Variants in TSPAN4 observed in about 807,000 individuals in gnomAD.
TSPAN4 encodes the protein tetraspanin 4.
TSPAN4 carries 38 observed loss-of-function variants against 31.5 expected under a neutral mutation model. That is an observed-to-expected ratio of 1.21 (90% CI 0.93 to 1.58). The LOEUF (loss-of-function observed/expected upper bound fraction) is 1.58, where lower values mean the gene tolerates loss of function less well. Among genes scored for constraint, TSPAN4 ranks in the 40% most tolerant of loss-of-function variants. The pLI, the probability that TSPAN4 is intolerant of heterozygous loss-of-function variation, is 0.00. For synonymous variants in TSPAN4, 186 were observed against 144.6 expected (o/e 1.29, Z -2.06); for missense variants, 330 against 317.3 (o/e 1.04, Z -0.30).
chr11:866,197 C>T (rs1848809893), intron 8 of TSPAN4, among the ~76,000 whole-genome samples, 196 bp downstream of exon 8: 1 of 152,134 alleles, frequency 6.6e-6, no homozygotes, highest in Non-Finnish European at 1.5e-5. Flanking sequence ...TGGACAGAGG[C>T]AGAGGCTGGT....
At chr11:862,953 G>A (rs1589792878) in intron 4 of TSPAN4, 1 of 582,184 alleles carries the variant, frequency 1.7e-6, no homozygotes, top group Non-Finnish European at 3.0e-6. Context: ...GAGCGGTGTG[G>A]GGGTCACTCA....
chr11:866,309 T>G (rs1409704251), intron 8 of TSPAN4, among the ~76,000 whole-genome samples: 1 of 151,368 alleles, frequency 6.6e-6, no homozygotes, highest in Non-Finnish European at 1.5e-5. Context: ...GCCCCTGGTT[T>G]CCAAACTCCA....
Position 864,445 on chromosome 11 carries a change from G to T in TSPAN4, c.264G>T (p.Leu88=). ...GCCTGCCCCCTCCACAGTTCTTCCTGCTGCTGCTGCTGGTGTTCCTGCTGG... is the reference window on the plus strand; with the variant it reads ...GCCTGCCCCCTCCACAGTTCTTCCTTCTGCTGCTGCTGGTGTTCCTGCTGG... The part of the protein sequence containing the change: ...ENKCLLLTFF[L]LLLLVFLLEA... The change falls in exon 5 of 9, where the codon CTG becomes CTT. Residue 88 remains leucine (L), a synonymous_variant. Transcript: ENST00000397397. 6.3e-7 allele frequency: 1 copy of T among 1,583,432 alleles called. No individual in the cohort carries two copies. Among genetic ancestry groups the T allele is most frequent in the South Asian group, 1.1e-5 (1 of 89,418 alleles).
chr11:852,230 T>G (rs553448354), intron 3 of TSPAN4, among the ~76,000 whole-genome samples: 48 of 152,262 alleles, frequency 3.2e-4, no homozygotes, highest in African/African-American at 1.1e-3. Flanking sequence ...TTCAAGCGAT[T>G]CTCATGCCTC....
At chr11:851,262 G>A (rs1847694384) in intron 3 of TSPAN4, among the ~76,000 whole-genome samples, 1 of 152,210 alleles carries the variant, frequency 6.6e-6, no homozygotes, top group Non-Finnish European at 1.5e-5. Flanking sequence ...ACCGGGCCTG[G>A]GGCTTTGCTG....
At chr11:850,108 G>A in intron 2 of TSPAN4, 180 bp from the exon 3 acceptor site, 6 of 473,342 alleles carry the variant, frequency 1.3e-5, no homozygotes, top group Non-Finnish European at 2.2e-5. Context: ...TTCGCGCGCG[G>A]CGGCCCCTTC....
chr11:843,901 G>A lies in TSPAN4; in HGVS notation c.-118+986G>A, dbSNP rs1847131161. Among the ~76,000 whole-genome samples, 3 of 152,176 alleles carry A rather than the reference G, an allele frequency of 2.0e-5. No individual in the cohort carries two copies. In the South Asian group the frequency reaches 6.2e-4, roughly 31 times the overall value. On this transcript the variant is annotated intron_variant, in intron 1 of 8. Transcript: ENST00000397397. ...CTTAGTTGCAGAGGAGGAGGACGAAGGGTTTTCTGGGTCCGGAGTGGTGCT... is the reference window on the plus strand; with the variant it reads ...CTTAGTTGCAGAGGAGGAGGACGAAAGGTTTTCTGGGTCCGGAGTGGTGCT...
chr11:860,150 G>A (rs1358365642), intron 3 of TSPAN4, among the ~76,000 whole-genome samples: 1 of 152,230 alleles, frequency 6.6e-6, no homozygotes, highest in East Asian at 1.9e-4. Context: ...TGCTACCTCT[G>A]GAAGGCCGGG....
At chr11:864,563 C>G in intron 5 of TSPAN4, 52 bp downstream of exon 5, 1 of 1,601,106 alleles carries the variant, frequency 6.2e-7, no homozygotes, top group South Asian at 1.1e-5. Flanking sequence ...GCTCCATCCT[C>G]ACTCCCAGGG....
At position 865,745 on chromosome 11, in the gene TSPAN4, G is replaced by C; in HGVS notation, c.484G>C (p.Ala162Pro). 6.2e-7 allele frequency: 1 copy of C among 1,613,228 alleles called. No homozygotes were observed. Among genetic ancestry groups the C allele is most frequent in the Non-Finnish European group, 8.5e-7 (1 of 1,179,870 alleles). ...NYTDWFEVYN[A>P]TRVPDSCCLE... ...CACTGACTGGTTCGAGGTGTACAAC[G>C]CCACGCGGGTACCTGACTCCTGCTG... is the stretch of plus-strand genomic sequence containing the variant. The change falls in exon 7 of 9, where the codon GCC (alanine) becomes CCC (proline). Residue 162 changes from alanine to proline, a missense_variant. Transcript: ENST00000397397.
chr11:867,011 C>G lies in TSPAN4; in HGVS notation c.*381C>G, dbSNP rs1441382983. The G allele has an allele frequency of 5.1e-6, 1 of 195,430 alleles. No homozygotes were observed. Among genetic ancestry groups the G allele is most frequent in the Non-Finnish European group, 1.0e-5 (1 of 95,414 alleles). 12.1% of individuals were successfully genotyped at this position (195,430 alleles called of 1,614,324 possible). A position where few individuals can be genotyped will look rare whatever the true frequency, so the allele number is the denominator to read the frequency against. On this transcript the variant is annotated 3_prime_UTR_variant, in exon 9 of 9. Coordinates refer to ENST00000397397, the MANE Select transcript of TSPAN4 (RefSeq NM_003271.5). The stretch of plus-strand genomic sequence containing the variant: ...GGTCTTGGCATCCTGGAGGTGGCCC[C>G]ACTGGTCCTGGTGCTCCAGGCGGGG...
At chr11:864,566 T>A in intron 5 of TSPAN4, 55 bp downstream of exon 5, 1 of 1,598,126 alleles carries the variant, frequency 6.3e-7, no homozygotes. Context: ...CCATCCTCAC[T>A]CCCAGGGAGC....
At chr11:861,866 T>C (rs957255400) in intron 3 of TSPAN4, among the ~76,000 whole-genome samples, 5 of 152,154 alleles carry the variant, frequency 3.3e-5, no homozygotes, top group Non-Finnish European at 7.4e-5. Context: ...GAGGTTGCAG[T>C]GAGCCCAGAT....
At chr11:864,690 G>A in intron 5 of TSPAN4, 179 bp downstream of exon 5, 1 of 738,488 alleles carries the variant, frequency 1.4e-6, no homozygotes, top group Non-Finnish European at 2.2e-6. Context: ...CTGGGAGGCT[G>A]TGCTGTGGCT....
chr11:852,488 GC>G (rs909862402), intron 3 of TSPAN4, among the ~76,000 whole-genome samples: 56 of 151,886 alleles, frequency 3.7e-4, no homozygotes, highest in Admixed American at 1.4e-3. Context: ...ACCAGCCTTG[GC>G]CCCCCCCAAC....
intron 5 of TSPAN4, chr11:864,779 G>A: frequency 3.6e-6 from 2 of 556,232 alleles, no homozygotes; most frequent in Non-Finnish European, 6.5e-6. Flanking sequence ...CTCTGACGCA[G>A]CGTCCTGAGC....
At chr11:854,501 G>A (rs994964260) in intron 3 of TSPAN4, among the ~76,000 whole-genome samples, 3 of 152,102 alleles carry the variant, frequency 2.0e-5, no homozygotes, top group Non-Finnish European at 4.4e-5. Flanking sequence ...CACCACCTGC[G>A]CTGATCCCCG....
At chr11:856,562 G>T (rs994276393) in intron 3 of TSPAN4, among the ~76,000 whole-genome samples, 2 of 152,236 alleles carry the variant, frequency 1.3e-5, no homozygotes, top group African/African-American at 2.4e-5. Flanking sequence ...CCTGCGGCGG[G>T]GCAGCAGTGA....
chr11:862,698 G>C lies in TSPAN4; in HGVS notation c.212G>C (p.Gly71Ala). The change falls in exon 4 of 9, where the codon GGC becomes GCC. Residue 71 changes from glycine to alanine, a missense_variant. By Grantham distance (60) the Gly-to-Ala change is moderately conservative (BLOSUM62 0). Transcript: ENST00000397397. ...TTTGTCATGGCCATCGGCTTCGTGGGCTGCCTGGGTGCCATCAAGGAGAAC... is the reference window on the plus strand; with the variant it reads ...TTTGTCATGGCCATCGGCTTCGTGGCCTGCCTGGGTGCCATCAAGGAGAAC... ...GAFVMAIGFV[G>A]CLGAIKENKC... The C allele has an allele frequency of 6.2e-7, 1 of 1,612,926 alleles. No homozygotes were observed. The highest frequency in any genetic ancestry group is 8.5e-7 in the Non-Finnish European group (1 of 1,179,764).
Sources: gnomAD v4.1 joint callset for allele counts (sites outside exome capture counted in the v4.1 genomes callset) on GRCh38, gnomAD v4.1.1 for gene constraint, MANE v1.5 for transcripts, NCBI Gene and HGNC (gene_info 2026-07-23, HGNC 2026-07-21) for gene names.